EEA1: variants seen among roughly 807,000 people sequenced by gnomAD.
The protein encoded by EEA1 is early endosome antigen 1, 162kD.
In EEA1, 111 loss-of-function variants were observed where a neutral mutation model predicts 209.2. The observed-to-expected ratio is 0.53, with a 90% CI of 0.45 to 0.62. The LOEUF is 0.62. Ranked by LOEUF, EEA1 falls within the 20% of genes least tolerant of loss-of-function variation. The probability of loss-of-function intolerance (pLI) is 0.00; values close to 1 mark genes in which losing one functional copy is unlikely to be tolerated. For synonymous variants in EEA1, 536 were observed against 540.6 expected, an observed-to-expected ratio of 0.99 and a Z score of 0.12; for missense variants, 1,343 against 1,530.8, an observed-to-expected ratio of 0.88 and a Z score of 2.05.
intron 19 of EEA1, 83 bp downstream of exon 19, chr12:92,802,320 CA>C: frequency 7.8e-7 from 1 of 1,275,518 alleles, no homozygotes; most frequent in Non-Finnish European, 1.1e-6. Flanking sequence ...GAAAGAAAAG[CA>C]AACTGTGAAT....
At chr12:92,847,220 G>T (rs1201920712) in intron 9 of EEA1, among the ~76,000 whole-genome samples, 1 of 152,154 alleles carries the variant, frequency 6.6e-6, no homozygotes, top group Admixed American at 6.5e-5. Context: ...CTCCCAACGT[G>T]CTGGGATTAC....
chr12:92,874,434 C>T (rs947201681), intron 2 of EEA1, among the ~76,000 whole-genome samples: 1 of 152,264 alleles, frequency 6.6e-6, no homozygotes, highest in Admixed American at 6.5e-5. Context: ...GGCACAATCT[C>T]GGCTCACTGC....
intron 24 of EEA1, among the ~76,000 whole-genome samples, chr12:92,780,056 T>C (rs1462140499): frequency 6.6e-6 from 1 of 152,136 alleles, no homozygotes; most frequent in African/African-American, 2.4e-5. Context: ...TTAGGGTTAC[T>C]TTGCTTCATT....
intron 26 of EEA1, 105 bp downstream of exon 26, chr12:92,777,836 T>G: frequency 1.6e-6 from 2 of 1,289,218 alleles, no homozygotes; most frequent in South Asian, 2.9e-5. Context: ...CTATAGAGGC[T>G]TATGCACTTT....
intron 21 of EEA1, among the ~76,000 whole-genome samples, chr12:92,796,488 G>T (rs934209589): frequency 3.3e-5 from 5 of 151,754 alleles, no homozygotes; most frequent in Admixed American, 1.3e-4. Context: ...CAGAAAATGT[G>T]TAAGTGCATT....
chr12:92,864,706 T>C (rs1276591673), intron 3 of EEA1, among the ~76,000 whole-genome samples, 154 bp downstream of exon 3: 1 of 152,202 alleles, frequency 6.6e-6, no homozygotes, highest in Non-Finnish European at 1.5e-5. Flanking sequence ...GAATAGTTTT[T>C]AACAATAGTG....
rs1482152271 is a variant in EEA1, at chr12:92,831,619, A to C, written c.1254+893T>G. ...TATTTCATAAATATATAAATATATAATATATATTTCATAAATATATAAATA... is the reference window on the plus strand; with the variant it reads ...TATTTCATAAATATATAAATATATACTATATATTTCATAAATATATAAATA... On this transcript the variant is annotated intron_variant, in intron 11 of 28. Transcript: ENST00000322349. 2.0e-5 allele frequency among the ~76,000 whole-genome samples: 3 copies of C among 147,392 alleles called. No homozygotes were observed. The East Asian group carries it at 5.8e-4, about 29-fold the overall frequency.
intron 1 of EEA1, among the ~76,000 whole-genome samples, chr12:92,911,138 T>C (rs1342568666): frequency 6.6e-6 from 1 of 151,034 alleles, no homozygotes; most frequent in African/African-American, 2.5e-5. Context: ...CCTTGGTATT[T>C]ACCCAAATGA....
At chr12:92,793,870 T>A (rs924909948) in intron 21 of EEA1, among the ~76,000 whole-genome samples, 2 of 151,708 alleles carry the variant, frequency 1.3e-5, no homozygotes, top group Non-Finnish European at 2.9e-5. Flanking sequence ...AAAGACAAAA[T>A]AGACAAATGG....
intron 9 of EEA1, among the ~76,000 whole-genome samples, chr12:92,848,186 T>A (rs752510780): frequency 4.0e-5 from 6 of 151,666 alleles, no homozygotes; most frequent in Non-Finnish European, 8.8e-5. Context: ...CACGAAGAAC[T>A]GATTTCTAAG....
intron 1 of EEA1, among the ~76,000 whole-genome samples, chr12:92,893,201 T>A (rs1354046590): frequency 6.6e-6 from 1 of 152,232 alleles, no homozygotes; most frequent in Non-Finnish European, 1.5e-5. Flanking sequence ...ATCTGAAACC[T>A]AGTAAAACAC....
intron 3 of EEA1, among the ~76,000 whole-genome samples, chr12:92,857,836 G>C (rs1011136575): frequency 6.6e-6 from 1 of 152,072 alleles, no homozygotes; most frequent in Non-Finnish European, 1.5e-5. Flanking sequence ...CATTAACATG[G>C]ACTACAAAAT....
rs1873435884 is a variant in EEA1 at position 92,771,660 on chromosome 12, A to G, written c.*4351T>C. 6.6e-6 allele frequency: 1 copy of G among 152,038 alleles called. No homozygotes were observed. Among genetic ancestry groups the G allele is most frequent in the African/African-American group, 2.4e-5 (1 of 41,438 alleles). 9.4% of individuals were successfully genotyped at this position (152,038 alleles called of 1,614,324 possible). On this transcript the variant is annotated 3_prime_UTR_variant, in exon 29 of 29. Coordinates refer to ENST00000322349, the MANE Select transcript of EEA1 (RefSeq NM_003566.4). ...GAGAATACAATATAGATTATGCAAG[A>G]GAAGATTTTATAAAGAAATTTCTGG...
chr12:92,851,510 CTTTA>C (rs530598338), intron 8 of EEA1, among the ~76,000 whole-genome samples: 2 of 152,064 alleles, frequency 1.3e-5, no homozygotes, highest in Non-Finnish European at 2.9e-5. Context: ...ATCTTTACTA[CTTTA>C]TTTGTTTTCC....
At chr12:92,925,257 G>A (rs1232597025) in intron 1 of EEA1, among the ~76,000 whole-genome samples, 3 of 150,654 alleles carry the variant, frequency 2.0e-5, no homozygotes, top group African/African-American at 7.4e-5. Flanking sequence ...GTCTCACTCT[G>A]TTGCTGGAGT....
chr12:92,858,508 C>A, intron 3 of EEA1: 2 of 857,032 alleles, frequency 2.3e-6, no homozygotes, highest in Non-Finnish European at 4.0e-6. Context: ...GGCTACGCCA[C>A]TGATGAAACT....
At chr12:92,827,344 AC>A (rs1477587660) in intron 12 of EEA1, among the ~76,000 whole-genome samples, 1 of 152,174 alleles carries the variant, frequency 6.6e-6, no homozygotes, top group Non-Finnish European at 1.5e-5. Context: ...ACAGAGTGAG[AC>A]CCTGTCTCAA....
chr12:92,869,690 T>C (rs1208038187), intron 2 of EEA1, among the ~76,000 whole-genome samples: 2 of 124,296 alleles, frequency 1.6e-5, no homozygotes, highest in Admixed American at 2.1e-4. Flanking sequence ...GAGGTGGAGG[T>C]TGCAGTGAGC....
At chr12:92,815,945 C>G (rs1565819809) in intron 15 of EEA1, among the ~76,000 whole-genome samples, 1 of 143,952 alleles carries the variant, frequency 6.9e-6, no homozygotes, top group Non-Finnish European at 1.5e-5. Flanking sequence ...GAGACAGAGA[C>G]AGAGAGAGAG....
Sources: allele counts gnomAD v4.1 joint callset (sites outside exome capture counted in the v4.1 genomes callset), GRCh38; gene constraint gnomAD v4.1.1; transcripts MANE v1.5; gene names NCBI Gene and HGNC (gene_info 2026-07-23, HGNC 2026-07-21).